Variants in GSG1L observed in about 807,000 individuals in gnomAD.
GSG1L encodes the protein germ cell-specific gene 1-like protein.
GSG1L carries 24 observed loss-of-function variants against 42.1 expected under a neutral mutation model. The observed-to-expected ratio is 0.57, with a 90% CI of 0.41 to 0.80. The LOEUF (loss-of-function observed/expected upper bound fraction) is 0.80, where lower values mean the gene tolerates loss of function less well. Among genes scored for constraint, GSG1L ranks in the 30% least tolerant of loss-of-function variants. The pLI is 0.00. For missense variants in GSG1L, 445 were observed against 472.2 expected (o/e 0.94, Z 0.53); for synonymous variants, 215 against 203.5 (o/e 1.06, Z -0.48).
At chr16:27,821,180 TGTGAACTCAA>T in intron 5 of GSG1L, among the ~76,000 whole-genome samples, 1 of 152,300 alleles carries the variant, frequency 6.6e-6, no homozygotes, top group Middle Eastern at 3.4e-3. Context: ...AGCAGGGGGC[TGTGAACTCAA>T]GTGTTTCAGC....
chr16:27,841,837 T>A (rs1567480664), intron 4 of GSG1L, among the ~76,000 whole-genome samples: 1 of 151,994 alleles, frequency 6.6e-6, no homozygotes, highest in Non-Finnish European at 1.5e-5. Context: ...GAAAGAATGT[T>A]CCCCTGGCTG....
At chr16:27,901,500 T>G (rs1373404431) in intron 2 of GSG1L, among the ~76,000 whole-genome samples, 1 of 152,200 alleles carries the variant, frequency 6.6e-6, no homozygotes, top group Non-Finnish European at 1.5e-5. Flanking sequence ...CTGCTATTGT[T>G]TCTTGGCTAA....
intron 1 of GSG1L, 77 bp downstream of exon 1, chr16:28,062,999 T>C (rs2086360487): frequency 7.9e-7 from 1 of 1,260,806 alleles, no homozygotes; most frequent in Non-Finnish European, 9.9e-7. Flanking sequence ...GGCGAACGGG[T>C]CCGGGGCTCG....
At chr16:27,942,176 G>A (rs2141084487) in intron 2 of GSG1L, among the ~76,000 whole-genome samples, 1 of 76,142 alleles carries the variant, frequency 1.3e-5, no homozygotes, top group East Asian at 3.3e-4. Context: ...TTGAGACTGA[G>A]TCTTGCTCTA....
chr16:27,901,588 G>A (rs959544191), intron 2 of GSG1L, among the ~76,000 whole-genome samples: 1 of 152,202 alleles, frequency 6.6e-6, no homozygotes, highest in Non-Finnish European at 1.5e-5. Context: ...TCCTGGGCTG[G>A]CCCCTGTGGA....
chr16:27,979,017 G>A (rs1282829297), intron 1 of GSG1L, among the ~76,000 whole-genome samples: 1 of 152,168 alleles, frequency 6.6e-6, no homozygotes, highest in African/African-American at 2.4e-5. Flanking sequence ...TCTAGGCTCA[G>A]AAGCCACAGG....
intron 2 of GSG1L, among the ~76,000 whole-genome samples, chr16:27,929,377 A>G (rs2084631542): frequency 6.6e-6 from 1 of 152,104 alleles, no homozygotes; most frequent in Admixed American, 6.6e-5. Context: ...AATCTCCCTA[A>G]AGACAGTGGT....
At chr16:27,824,545 C>A (rs75145898) in intron 5 of GSG1L, among the ~76,000 whole-genome samples, 523 of 141,106 alleles carry the variant, frequency 3.7e-3, no homozygotes, top group African/African-American at 5.4e-3. Flanking sequence ...AGGGAAAGCA[C>A]AAAAAAAAAA....
At chr16:27,985,532 A>G (rs2085372565) in intron 1 of GSG1L, among the ~76,000 whole-genome samples, 2 of 151,868 alleles carry the variant, frequency 1.3e-5, no homozygotes, top group Non-Finnish European at 2.9e-5. Context: ...AGCCAAATAA[A>G]CCTTTCTTCT....
chr16:27,861,206 A>G (rs2083646715), intron 3 of GSG1L, among the ~76,000 whole-genome samples: 1 of 152,090 alleles, frequency 6.6e-6, no homozygotes, highest in Non-Finnish European at 1.5e-5. Flanking sequence ...CGTCTCTATT[A>G]AAAAATATAT....
intron 2 of GSG1L, among the ~76,000 whole-genome samples, chr16:27,907,709 G>A (rs2084335884): frequency 6.6e-6 from 1 of 152,224 alleles, no homozygotes; most frequent in Non-Finnish European, 1.5e-5. Context: ...ATATCCCAGG[G>A]GCCATCTGTG....
At chr16:28,000,769 C>T (rs943958658) in intron 1 of GSG1L, among the ~76,000 whole-genome samples, 2 of 152,098 alleles carry the variant, frequency 1.3e-5, no homozygotes, top group African/African-American at 4.8e-5. Flanking sequence ...TTCCTGGATA[C>T]ATCTCTCCTC....
intron 2 of GSG1L, among the ~76,000 whole-genome samples, chr16:27,923,146 G>T (rs1252393536): frequency 2.0e-5 from 3 of 152,060 alleles, no homozygotes; most frequent in Non-Finnish European, 4.4e-5. Context: ...GGTATTCATG[G>T]GCTGCAAAAA....
intron 4 of GSG1L, among the ~76,000 whole-genome samples, chr16:27,833,623 G>A (rs1000362896): frequency 1.3e-5 from 2 of 151,892 alleles, no homozygotes; most frequent in Non-Finnish European, 2.9e-5. Flanking sequence ...TCTTTCATTG[G>A]TATTATTCTG....
intron 2 of GSG1L, among the ~76,000 whole-genome samples, chr16:27,889,433 G>A (rs2084097084): frequency 6.6e-6 from 1 of 152,196 alleles, no homozygotes; most frequent in Admixed American, 6.5e-5. Context: ...AATAAGGGCT[G>A]ACAGTTATGA....
chr16:28,020,249 G>A (rs1379721773), intron 1 of GSG1L, among the ~76,000 whole-genome samples: 1 of 152,160 alleles, frequency 6.6e-6, no homozygotes, highest in Non-Finnish European at 1.5e-5. Flanking sequence ...TGCCGTCTTT[G>A]TGCGGTGGCT....
chr16:27,967,788 C>T (rs1313954842), intron 1 of GSG1L, among the ~76,000 whole-genome samples: 2 of 152,168 alleles, frequency 1.3e-5, no homozygotes, highest in Non-Finnish European at 2.9e-5. Flanking sequence ...TGGCATATGC[C>T]TGTAATCCCA....
At chr16:27,970,509 T>G (rs1481141019) in intron 1 of GSG1L, among the ~76,000 whole-genome samples, 1 of 151,178 alleles carries the variant, frequency 6.6e-6, no homozygotes, top group Non-Finnish European at 1.5e-5. Context: ...GAGGCAGAGG[T>G]TGCAGTGAGC....
chr16:27,830,809 A>G (rs2083267257), intron 4 of GSG1L, among the ~76,000 whole-genome samples: 1 of 152,148 alleles, frequency 6.6e-6, no homozygotes, highest in South Asian at 2.1e-4. Context: ...CATGATGGAA[A>G]CTCAGAACCC....
Sources: gnomAD v4.1 joint callset for allele counts (sites outside exome capture counted in the v4.1 genomes callset) on GRCh38, gnomAD v4.1.1 for gene constraint, MANE v1.5 for transcripts, NCBI Gene and HGNC (gene_info 2026-07-23, HGNC 2026-07-21) for gene names.